GRAMD1B: variants seen among roughly 807,000 people sequenced by gnomAD.
The protein encoded by GRAMD1B is GRAM domain containing 1B.
Under a neutral mutation model 99.7 loss-of-function variants are expected in GRAMD1B, and 37 were observed. That is an observed-to-expected ratio of 0.37 (90% CI 0.29 to 0.49). The LOEUF is 0.49. GRAMD1B is among the 20% of genes least tolerant of loss of function. The pLI is 0.98. For missense variants in GRAMD1B, 888 were observed against 1,009.2 expected (o/e 0.88, Z 1.63); for synonymous variants, 427 against 387.6 (o/e 1.10, Z -1.19).
chr11:123,571,840 G>A (rs1792006), intron 2 of GRAMD1B, among the ~76,000 whole-genome samples: 116,128 of 151,930 alleles, frequency 0.76, 44,496 homozygotes, highest in African/African-American at 0.81. Context: ...CTCTCCTACC[G>A]TGCCCTCCTT....
At chr11:123,482,727 T>C (rs1449243385) in intron 2 of GRAMD1B, among the ~76,000 whole-genome samples, 1 of 152,152 alleles carries the variant, frequency 6.6e-6, no homozygotes, top group Non-Finnish European at 1.5e-5. Context: ...TTAGAGTCCA[T>C]AAAAGAATGA....
chr11:123,509,439 T>G (rs1330436909), intron 2 of GRAMD1B, among the ~76,000 whole-genome samples: 1 of 152,238 alleles, frequency 6.6e-6, no homozygotes. Flanking sequence ...CCATAGATTA[T>G]TCTTTCTGAT....
intron 2 of GRAMD1B, among the ~76,000 whole-genome samples, chr11:123,502,327 T>G (rs944782390): frequency 6.6e-6 from 1 of 152,198 alleles, no homozygotes; most frequent in Admixed American, 6.5e-5. Context: ...AGTAGAATGA[T>G]GCAAACGTGC....
At chr11:123,454,673 G>A (rs1015794862) in intron 1 of GRAMD1B, 2 of 152,160 alleles carry the variant, frequency 1.3e-5, no homozygotes, top group Non-Finnish European at 1.5e-5. Flanking sequence ...CAGGCTCTGC[G>A]GAGGGCCCTA....
At position 123,494,778 on chromosome 11, in the gene GRAMD1B, T is replaced by A. The variant is rs561392407; in HGVS notation, c.452+13885T>A. On this transcript the variant is annotated intron_variant, in intron 2 of 19. Coordinates refer to ENST00000635736, the MANE Select transcript of GRAMD1B (RefSeq NM_001387025.1). Reference sequence around the variant, plus strand: ...CTTCCCTACTTCCTGCTGGGAGAAATTCCATCCTCCTACCAGCCTCAGCGA... The same window carrying A: ...CTTCCCTACTTCCTGCTGGGAGAAAATCCATCCTCCTACCAGCCTCAGCGA... Among the ~76,000 whole-genome samples the A allele has an allele frequency of 9.2e-5, 14 of 152,212 alleles. No homozygotes were observed. In the South Asian group the frequency reaches 2.9e-3, roughly 32 times the overall value.
At chr11:123,494,479 C>T (rs138076603) in intron 2 of GRAMD1B, among the ~76,000 whole-genome samples, 4 of 150,240 alleles carry the variant, frequency 2.7e-5, no homozygotes, top group Non-Finnish European at 5.9e-5. Context: ...GGCAAAGAAG[C>T]AAGTGAGTGC....
intron 2 of GRAMD1B, among the ~76,000 whole-genome samples, chr11:123,522,664 C>T (rs1026184844): frequency 6.6e-6 from 1 of 152,008 alleles, no homozygotes; most frequent in African/African-American, 2.4e-5. Flanking sequence ...TCCCCAGGGC[C>T]CTGTGAGAAG....
intron 1 of GRAMD1B, among the ~76,000 whole-genome samples, chr11:123,408,531 G>T (rs897399403): frequency 1.3e-5 from 2 of 152,232 alleles, no homozygotes; most frequent in African/African-American, 4.8e-5. Flanking sequence ...ATGTGTAAAT[G>T]GATGGCATGT....
intron 1 of GRAMD1B, chr11:123,458,222 AAGTCTGCAG>A (rs1350046223): frequency 1.9e-4 from 29 of 152,428 alleles, no homozygotes; most frequent in African/African-American, 7.0e-4. Flanking sequence ...GGCTCAGTCC[AAGTCTGCAG>A]GCCTCAGAAC....
intron 2 of GRAMD1B, among the ~76,000 whole-genome samples, chr11:123,564,109 T>A (rs1445138614): frequency 6.6e-6 from 1 of 152,170 alleles, no homozygotes; most frequent in Admixed American, 6.5e-5. Flanking sequence ...GTGTCACAAC[T>A]TCTCCCCCAC....
intron 2 of GRAMD1B, among the ~76,000 whole-genome samples, chr11:123,532,569 A>G (rs758088720): frequency 6.6e-6 from 1 of 152,246 alleles, no homozygotes; most frequent in Non-Finnish European, 1.5e-5. Flanking sequence ...TAGTGCCTGT[A>G]GAATGAAGGC....
At chr11:123,461,664 G>T (rs1950418867) in intron 1 of GRAMD1B, among the ~76,000 whole-genome samples, 1 of 152,232 alleles carries the variant, frequency 6.6e-6, no homozygotes, top group African/African-American at 2.4e-5. Context: ...CAGTGCAATG[G>T]CGTGATCTCG....
chr11:123,449,056 G>A lies in GRAMD1B; in HGVS notation c.374+17890G>A, dbSNP rs772441885. Among the ~76,000 whole-genome samples, 3 of 152,192 alleles carry A rather than the reference G, an allele frequency of 2.0e-5. 1 individual carries two copies. Among genetic ancestry groups the A allele is most frequent in the East Asian group, 3.8e-4 (2 of 5,196 alleles). On this transcript the variant is annotated intron_variant, in intron 1 of 19. Coordinates refer to ENST00000635736, the MANE Select transcript of GRAMD1B (RefSeq NM_001387025.1). ...TTCCAGGTTTCATCAACGTTGTTCC[G>A]TCAGACAGAATTCCTTTTTCATAAC...
At chr11:123,532,363 C>T (rs1003778771) in intron 2 of GRAMD1B, among the ~76,000 whole-genome samples, 8 of 152,224 alleles carry the variant, frequency 5.3e-5, no homozygotes, top group Admixed American at 4.6e-4. Flanking sequence ...TGCACTTGCC[C>T]CACATTGGCC....
intron 3 of GRAMD1B, among the ~76,000 whole-genome samples, chr11:123,578,948 G>T (rs143326684): frequency 6.6e-6 from 1 of 152,156 alleles, no homozygotes; most frequent in Admixed American, 6.5e-5. Flanking sequence ...CTCTGCCTGC[G>T]TACTCTGTTC....
intron 15 of GRAMD1B, 66 bp from the exon 16 acceptor site, chr11:123,613,389 G>A: frequency 4.3e-6 from 5 of 1,175,142 alleles, no homozygotes; most frequent in Non-Finnish European, 6.1e-6. Flanking sequence ...TAGGAAAATG[G>A]TTCTGCAGAG....
At chr11:123,483,348 C>G (rs1951714718) in intron 2 of GRAMD1B, among the ~76,000 whole-genome samples, 1 of 151,562 alleles carries the variant, frequency 6.6e-6, no homozygotes, top group Non-Finnish European at 1.5e-5. Flanking sequence ...TAATTTGAAA[C>G]TGATGAACTG....
chr11:123,619,059 G>C (rs765190006), intron 18 of GRAMD1B, 48 bp from the exon 19 acceptor site: 2 of 1,072,876 alleles, frequency 1.9e-6, no homozygotes, highest in Admixed American at 2.0e-5. Context: ...AGGACAGTTC[G>C]CTGAGCATAA....
chr11:123,572,419 G>C (rs1194378383), intron 2 of GRAMD1B, among the ~76,000 whole-genome samples: 4 of 152,170 alleles, frequency 2.6e-5, no homozygotes, highest in African/African-American at 9.7e-5. Context: ...ATGCATGTTA[G>C]GTGTTAGAAG....
Sources: gnomAD v4.1 joint callset for allele counts (sites outside exome capture counted in the v4.1 genomes callset) on GRCh38, gnomAD v4.1.1 for gene constraint, MANE v1.5 for transcripts, NCBI Gene and HGNC (gene_info 2026-07-23, HGNC 2026-07-21) for gene names.